The following DAB2 variants were observed in gnomAD, a reference collection of about 807,000 sequenced individuals.
The protein encoded by DAB2 is DAB adaptor protein 2, also known as disabled homolog 2.
DAB2 carries 28 observed loss-of-function variants against 71.6 expected under a neutral mutation model. That is an observed-to-expected ratio of 0.39 (90% CI 0.29 to 0.54). The LOEUF (loss-of-function observed/expected upper bound fraction) is 0.54. DAB2 is among the 20% of genes least tolerant of loss of function. The pLI is 0.68. For missense variants in DAB2, 867 were observed against 928.8 expected (o/e 0.93, Z 0.86); for synonymous variants, 345 against 339.7 (o/e 1.02, Z -0.17).
chr5:39,398,187 G>T (rs1295418006), intron 1 of DAB2, among the ~76,000 whole-genome samples: 1 of 152,178 alleles, frequency 6.6e-6, no homozygotes, highest in African/African-American at 2.4e-5. Flanking sequence ...AAAAGAATTT[G>T]AGAAGTGCCA....
At chr5:39,418,232 G>C (rs1338692797) in intron 1 of DAB2, 1 of 152,160 alleles carries the variant, frequency 6.6e-6, no homozygotes, top group African/African-American at 2.4e-5. Flanking sequence ...GCAGTTGTAT[G>C]TTGCCCTAGT....
chr5:39,393,135 T>C (rs567356782), intron 3 of DAB2, 119 bp downstream of exon 3: 4 of 1,008,852 alleles, frequency 4.0e-6, no homozygotes, highest in African/African-American at 3.2e-5. Context: ...TACTGATGGA[T>C]AATGTGATTA....
intron 1 of DAB2, chr5:39,408,269 A>T (rs988656718): frequency 4.6e-5 from 7 of 152,130 alleles, no homozygotes; most frequent in African/African-American, 1.7e-4. Context: ...AACCATGAAA[A>T]CACTTCTTAC....
At chr5:39,405,826 A>T (rs931740054) in intron 1 of DAB2, among the ~76,000 whole-genome samples, 5 of 152,130 alleles carry the variant, frequency 3.3e-5, no homozygotes, top group African/African-American at 1.2e-4. Context: ...TTGAGCCCAG[A>T]GTTGTGATAT....
At chr5:39,388,949 A>G (rs961329145) in intron 7 of DAB2, 97 bp from the exon 8 acceptor site, 22 of 1,317,774 alleles carry the variant, frequency 1.7e-5, no homozygotes, top group Admixed American at 1.6e-4. Context: ...TGGTTTTGGT[A>G]TCATCTTTTA....
At chr5:39,395,659 C>T (rs1467522152) in intron 1 of DAB2, among the ~76,000 whole-genome samples, 2 of 152,104 alleles carry the variant, frequency 1.3e-5, no homozygotes, top group African/African-American at 4.8e-5. Context: ...TTCATGCAAT[C>T]TATGTATGAG....
At chr5:39,400,235 T>C (rs1019382795) in intron 1 of DAB2, among the ~76,000 whole-genome samples, 5 of 139,756 alleles carry the variant, frequency 3.6e-5, no homozygotes, top group African/African-American at 1.0e-4. Context: ...GTGTCTCTCT[T>C]TTTTTTTTTT....
At chr5:39,388,159 T>G (rs1755140991) in intron 9 of DAB2, 146 bp downstream of exon 9, 1 of 643,696 alleles carries the variant, frequency 1.6e-6, no homozygotes, top group Non-Finnish European at 2.8e-6. Context: ...AGATTCACAT[T>G]TATTCTAAAA....
chr5:39,374,714 G>A, intron 14 of DAB2: 1 of 299,082 alleles, frequency 3.3e-6, no homozygotes. Context: ...AGAAACCTGT[G>A]ATGTGTTGTT....
intron 1 of DAB2, among the ~76,000 whole-genome samples, chr5:39,396,823 A>T (rs1188861145): frequency 1.3e-5 from 2 of 152,206 alleles, no homozygotes; most frequent in Admixed American, 1.3e-4. Context: ...TTTTAGATGG[A>T]AACACTTGTG....
intron 9 of DAB2, chr5:39,387,786 A>G (rs1378567790): frequency 1.3e-5 from 2 of 151,924 alleles, no homozygotes; most frequent in Non-Finnish European, 2.9e-5. Flanking sequence ...ATCATTCAAT[A>G]TTGAGCAGAC....
In DAB2 at chr5:39,372,397, C is replaced by A. The variant is rs1754720060; in HGVS notation, c.*1034G>T. On this transcript the variant is annotated 3_prime_UTR_variant, in exon 15 of 15. Coordinates refer to ENST00000320816, the MANE Select transcript of DAB2 (RefSeq NM_001343.4). ...CCAAATAAGCACCTAATGTGTTTGG[C>A]ACAATCACATTTAGCTTTGTGATAT... 1 of 152,146 alleles carries A rather than the reference C, an allele frequency of 6.6e-6. No homozygotes were observed. Among genetic ancestry groups the A allele is most frequent in the Admixed American group, 6.5e-5 (1 of 15,270 alleles). 9.4% of individuals were successfully genotyped at this position (152,146 alleles called of 1,614,324 possible).
At chr5:39,420,401 A>G (rs1755952367) in intron 1 of DAB2, among the ~76,000 whole-genome samples, 1 of 152,220 alleles carries the variant, frequency 6.6e-6, no homozygotes, top group South Asian at 2.1e-4. Flanking sequence ...CAAATCCAGC[A>G]TTCTAGGATT....
At chr5:39,398,570 C>T (rs1388525877) in intron 1 of DAB2, among the ~76,000 whole-genome samples, 1 of 152,054 alleles carries the variant, frequency 6.6e-6, no homozygotes, top group Non-Finnish European at 1.5e-5. Flanking sequence ...GTTGCAATAG[C>T]CAAGGGTAAG....
chr5:39,416,980 C>A (rs571224070), intron 1 of DAB2, among the ~76,000 whole-genome samples: 1 of 152,246 alleles, frequency 6.6e-6, no homozygotes, highest in South Asian at 2.1e-4. Flanking sequence ...AATCTCCACT[C>A]AAACACATTC....
rs914727258 is a variant in DAB2 at position 39,371,733 on chromosome 5, GA to G, written c.*1697del. The G allele has an allele frequency of 6.6e-6, 1 of 152,172 alleles. No individual in the cohort carries two copies. The highest frequency in any genetic ancestry group is 1.5e-5 in the Non-Finnish European group (1 of 68,028). 9.4% of individuals were successfully genotyped at this position (152,172 alleles called of 1,614,324 possible). A position where few individuals can be genotyped will look rare whatever the true frequency, so the allele number is the denominator to read the frequency against. Reference sequence around the variant, plus strand: ...AAATTTATAGCTTTATTTGCATACAGAAAAGTGCATGAGAAAATAAGTATGT... The same window carrying G: ...AAATTTATAGCTTTATTTGCATACAGAAAGTGCATGAGAAAATAAGTATGT... On this transcript the variant is annotated 3_prime_UTR_variant, in exon 15 of 15. Transcript: ENST00000320816.
intron 3 of DAB2, 80 bp from the exon 4 acceptor site, chr5:39,392,543 C>T (rs1755258600): frequency 9.0e-7 from 1 of 1,108,240 alleles, no homozygotes; most frequent in Non-Finnish European, 1.4e-6. Flanking sequence ...TTTTCAAAGT[C>T]AGTCAGCTTT....
chr5:39,404,425 T>A (rs200740699), intron 1 of DAB2, among the ~76,000 whole-genome samples: 34 of 32,458 alleles, frequency 1.0e-3, no homozygotes, highest in East Asian at 1.4e-3. Context: ...ATTAAAAAAA[T>A]AAATAAATAA....
intron 1 of DAB2, among the ~76,000 whole-genome samples, chr5:39,405,594 C>T (rs1354015423): frequency 1.3e-5 from 2 of 152,206 alleles, no homozygotes; most frequent in African/African-American, 4.8e-5. Flanking sequence ...GTTGTGGGCA[C>T]AACTTGACAA....
Sources: allele counts gnomAD v4.1 joint callset (sites outside exome capture counted in the v4.1 genomes callset), GRCh38; gene constraint gnomAD v4.1.1; transcripts MANE v1.5; gene names NCBI Gene and HGNC (gene_info 2026-07-23, HGNC 2026-07-21).